RBFOX1: variants seen among roughly 807,000 people sequenced by gnomAD.
RBFOX1 encodes RNA binding fox-1 homolog 1.
RBFOX1 carries 8 observed loss-of-function variants against 57.7 expected under a neutral mutation model. That is an observed-to-expected ratio of 0.14 (90% CI 0.08 to 0.25). The LOEUF is 0.25. Ranked by LOEUF, RBFOX1 falls within the 10% of genes least tolerant of loss-of-function variation. The pLI, the probability that RBFOX1 is intolerant of heterozygous loss-of-function variation, is 1.00. For missense variants in RBFOX1, 611 were observed against 548.5 expected, an observed-to-expected ratio of 1.11 and a Z score of -1.14; for synonymous variants, 326 against 222.4, an observed-to-expected ratio of 1.47 and a Z score of -4.15.
chr16:7,481,705 C>T (rs117476662), intron 4 of RBFOX1, among the ~76,000 whole-genome samples: 1 of 152,272 alleles, frequency 6.6e-6, no homozygotes, highest in Non-Finnish European at 1.5e-5. Flanking sequence ...ACAGATACTC[C>T]TTGACTTAGG....
intron 1 of RBFOX1, among the ~76,000 whole-genome samples, chr16:6,275,442 A>G (rs1182232585): frequency 1.3e-5 from 2 of 152,308 alleles, no homozygotes; most frequent in East Asian, 3.9e-4. Context: ...GTTTTCACAC[A>G]CCTGATCTCA....
rs138212691 is a variant in RBFOX1, at chr16:7,315,022, A to G, written c.28-203125A>G. On this transcript the variant is annotated intron_variant, in intron 4 of 15. Coordinates refer to ENST00000550418, the MANE Select transcript of RBFOX1 (RefSeq NM_018723.4). ...ATTTTTTTCCTAATTGGAAGAAAACAAATCATAACCTCATATATTTTATTT... is the reference window on the plus strand; with the variant it reads ...ATTTTTTTCCTAATTGGAAGAAAACGAATCATAACCTCATATATTTTATTT... Among the ~76,000 whole-genome samples, 135 of 152,232 alleles carry G rather than the reference A, an allele frequency of 8.9e-4. 1 individual carries two copies. In the East Asian group the frequency reaches 0.025, roughly 28 times the overall value.
chr16:5,804,502 C>A (rs77824492), intron 3 of RBFOX1, among the ~76,000 whole-genome samples: 2,489 of 152,172 alleles, frequency 0.016, 71 homozygotes, highest in African/African-American at 0.056. Context: ...GGGGTATTTC[C>A]TAAACTGATA....
At chr16:6,552,317 C>G (rs968211605) in intron 2 of RBFOX1, among the ~76,000 whole-genome samples, 2 of 152,102 alleles carry the variant, frequency 1.3e-5, no homozygotes, top group African/African-American at 4.8e-5. Flanking sequence ...ACCAATCATA[C>G]CAGTGAATCA....
chr16:5,386,356 G>C (rs949917126), intron 1 of RBFOX1, among the ~76,000 whole-genome samples: 1 of 152,040 alleles, frequency 6.6e-6, no homozygotes, highest in Non-Finnish European at 1.5e-5. Flanking sequence ...CATCTCAAAG[G>C]CCCCAGGGGA....
At chr16:6,666,456 C>A (rs2098733352) in intron 3 of RBFOX1, among the ~76,000 whole-genome samples, 2 of 150,350 alleles carry the variant, frequency 1.3e-5, no homozygotes, top group African/African-American at 4.9e-5. Flanking sequence ...AGGAGAATCA[C>A]TTGAACCTGG....
At chr16:7,448,973 A>C (rs1023612204) in intron 4 of RBFOX1, among the ~76,000 whole-genome samples, 2 of 72,004 alleles carry the variant, frequency 2.8e-5, no homozygotes, top group Admixed American at 2.5e-4. Flanking sequence ...CTTGTTGCCC[A>C]GGCTGGAGTG....
chr16:6,855,810 C>A (rs1055683884), intron 3 of RBFOX1, among the ~76,000 whole-genome samples: 2 of 151,530 alleles, frequency 1.3e-5, no homozygotes, highest in African/African-American at 2.4e-5. Context: ...TTCCTTCTTC[C>A]CTTCCTTCCT....
chr16:5,911,246 C>G (rs2058595240), intron 4 of RBFOX1, among the ~76,000 whole-genome samples: 1 of 152,116 alleles, frequency 6.6e-6, no homozygotes, highest in South Asian at 2.1e-4. Flanking sequence ...GGTCCACTGT[C>G]TGTTTTTCAC....
chr16:5,790,541 A>T (rs1038395067), intron 3 of RBFOX1, among the ~76,000 whole-genome samples: 9 of 151,312 alleles, frequency 5.9e-5, no homozygotes, highest in Admixed American at 1.3e-4. Flanking sequence ...AATGTTCAGA[A>T]ATGTAGCACA....
At chr16:7,070,686 C>T (rs2057147131) in intron 4 of RBFOX1, among the ~76,000 whole-genome samples, 1 of 152,192 alleles carries the variant, frequency 6.6e-6, no homozygotes, top group African/African-American at 2.4e-5. Flanking sequence ...TTTGGGAGCA[C>T]AGCTTTAGTA....
At chr16:7,125,520 T>A (rs1422755531) in intron 4 of RBFOX1, among the ~76,000 whole-genome samples, 2 of 152,206 alleles carry the variant, frequency 1.3e-5, no homozygotes, top group Non-Finnish European at 2.9e-5. Context: ...TCAGAAAATA[T>A]GGTTAACACA....
Position 7,026,865 on chromosome 16 carries a change from G to C in RBFOX1, c.-15-25192G>C, listed in dbSNP as rs575433417. ...TCCAGTCGGCTTGCTGTATCTCCTAGTTGCAAGGGAGGGCTTTGCTTAGAG... is the reference window on the plus strand; with the variant it reads ...TCCAGTCGGCTTGCTGTATCTCCTACTTGCAAGGGAGGGCTTTGCTTAGAG... On this transcript the variant is annotated intron_variant, in intron 3 of 15. Transcript: ENST00000550418. Among the ~76,000 whole-genome samples the C allele has an allele frequency of 2.8e-4, 42 of 152,342 alleles. 1 individual carries two copies. In the South Asian group the frequency reaches 8.3e-3, roughly 30 times the overall value.
chr16:6,360,667 G>A (rs865966183), intron 2 of RBFOX1, among the ~76,000 whole-genome samples: 5 of 152,138 alleles, frequency 3.3e-5, no homozygotes, highest in South Asian at 2.1e-4. Flanking sequence ...TGCCGTTTCA[G>A]AATTATCTGA....
chr16:6,600,845 C>G (rs980624981), intron 2 of RBFOX1, among the ~76,000 whole-genome samples: 2 of 152,076 alleles, frequency 1.3e-5, no homozygotes, highest in African/African-American at 4.8e-5. Flanking sequence ...TTTAGAGGAA[C>G]GTAAATGCTG....
intron 4 of RBFOX1, among the ~76,000 whole-genome samples, chr16:7,182,367 C>A (rs2082894232): frequency 6.6e-6 from 1 of 152,114 alleles, no homozygotes; most frequent in Non-Finnish European, 1.5e-5. Context: ...TTCCTGAAGC[C>A]CCCTCTCTTC....
chr16:5,880,848 C>G (rs1490642214), intron 4 of RBFOX1, among the ~76,000 whole-genome samples: 1 of 152,188 alleles, frequency 6.6e-6, no homozygotes, highest in Admixed American at 6.5e-5. Flanking sequence ...TAAATTAAAA[C>G]ATGATTCAGT....
At chr16:7,096,244 A>G (rs570906804) in intron 4 of RBFOX1, among the ~76,000 whole-genome samples, 1 of 152,320 alleles carries the variant, frequency 6.6e-6, no homozygotes, top group Admixed American at 6.5e-5. Context: ...TCATGGTTGC[A>G]GAGCTAAGTG....
At chr16:7,633,646 T>TA (rs1568199605) in intron 11 of RBFOX1, among the ~76,000 whole-genome samples, 2 of 152,204 alleles carry the variant, frequency 1.3e-5, no homozygotes, top group Admixed American at 1.3e-4. Context: ...TGTCGAGGCT[T>TA]AAGCAAGGGC....
Sources: allele counts gnomAD v4.1 joint callset (sites outside exome capture counted in the v4.1 genomes callset), GRCh38; gene constraint gnomAD v4.1.1; transcripts MANE v1.5; gene names NCBI Gene and HGNC (gene_info 2026-07-23, HGNC 2026-07-21).